The following RIC1 variants were observed in gnomAD, a reference collection of about 807,000 sequenced individuals.
The protein encoded by RIC1 is RIC1 partner of RAB6A GEF complex.
Under a neutral mutation model 169.0 loss-of-function variants are expected in RIC1, and 88 were observed. The ratio of observed to expected loss-of-function variants is 0.52; its 90% CI spans 0.44 to 0.62. RIC1 has a LOEUF of 0.62. Among genes scored for constraint, RIC1 ranks in the 20% least tolerant of loss-of-function variants. The probability of loss-of-function intolerance (pLI) is 0.00; values close to 1 mark genes in which losing one functional copy is unlikely to be tolerated. For synonymous variants in RIC1, 790 were observed against 601.5 expected (o/e 1.31, Z -4.59); for missense variants, 1,877 against 1,725.5 (o/e 1.09, Z -1.56).
chr9:5,698,412 T>C (rs1360201201), intron 3 of RIC1, among the ~76,000 whole-genome samples: 1 of 152,240 alleles, frequency 6.6e-6, no homozygotes, highest in East Asian at 1.9e-4. Flanking sequence ...ATTTTATTTT[T>C]TTCATGGCCC....
intron 1 of RIC1, among the ~76,000 whole-genome samples, chr9:5,651,072 G>C (rs139108881): frequency 1.3e-5 from 2 of 152,168 alleles, no homozygotes; most frequent in African/African-American, 4.8e-5. Context: ...CTCTGGAGCA[G>C]TGTCATCACA....
intron 2 of RIC1, among the ~76,000 whole-genome samples, chr9:5,664,812 A>G (rs1390442443): frequency 6.6e-6 from 1 of 152,062 alleles, no homozygotes; most frequent in Non-Finnish European, 1.5e-5. Context: ...ATTCATTTTC[A>G]TTCTTTTTTC....
intron 1 of RIC1, among the ~76,000 whole-genome samples, chr9:5,648,719 G>A (rs1347168311): frequency 6.6e-6 from 1 of 152,170 alleles, no homozygotes. Flanking sequence ...ACTGGGTTAA[G>A]ATGATATCTT....
chr9:5,728,699 C>A (rs561532579), intron 6 of RIC1, among the ~76,000 whole-genome samples: 7 of 152,154 alleles, frequency 4.6e-5, no homozygotes, highest in Non-Finnish European at 1.0e-4. Context: ...AAAGAAATTT[C>A]TCTGGGAGCC....
At chr9:5,762,485 G>A (rs111462333) in intron 17 of RIC1, 56 bp from the exon 18 acceptor site, 1 of 1,600,466 alleles carries the variant, frequency 6.2e-7, no homozygotes, top group Non-Finnish European at 8.5e-7. Context: ...GGGGGGAGAT[G>A]CGGAAAGCAT....
chr9:5,664,476 G>T (rs555956463), intron 2 of RIC1, among the ~76,000 whole-genome samples: 27 of 152,068 alleles, frequency 1.8e-4, no homozygotes, highest in Non-Finnish European at 3.1e-4. Context: ...TCACTGAGAG[G>T]TCTATTGTTA....
In RIC1 at chr9:5,720,333, A is replaced by G. The variant is rs1410704315; in HGVS notation, c.583+9A>G. 3 of 1,608,260 alleles carry G rather than the reference A, an allele frequency of 1.9e-6. No individual in the cohort carries two copies. The highest frequency in any genetic ancestry group is 1.7e-6 in the Non-Finnish European group (2 of 1,177,340). ...CCTGCAGTCATCTAGAGGTAGCTAT[A>G]CTTTCTACATGAGGTTGAACCAGTT... On this transcript the variant is annotated intron_variant, in intron 5 of 25. Coordinates refer to ENST00000414202, the MANE Select transcript of RIC1 (RefSeq NM_020829.4).
intron 6 of RIC1, among the ~76,000 whole-genome samples, chr9:5,726,208 A>G (rs1395549163): frequency 6.6e-6 from 1 of 152,098 alleles, no homozygotes; most frequent in African/African-American, 2.4e-5. Context: ...GTAGGTCTCT[A>G]AGGACTTGCT....
chr9:5,763,328 G>A lies in RIC1; in HGVS notation c.2301G>A (p.Arg767=). 1 of 1,614,164 alleles carries A rather than the reference G, an allele frequency of 6.2e-7. No individual in the cohort carries two copies. Among genetic ancestry groups the A allele is most frequent in the Non-Finnish European group, 8.5e-7 (1 of 1,180,028 alleles). ...HRKPHSFLSQ[R]IMLPFHINIY... ...AGCCCCATTCCTTCTTGTCCCAGCG[G>A]ATCATGCTGCCTTTCCACATCAACA... The change falls in exon 19 of 26, where the codon CGG becomes CGA. Residue 767 remains arginine, a synonymous_variant. Coordinates refer to ENST00000414202, the MANE Select transcript of RIC1 (RefSeq NM_020829.4). This position sits in a 1 kb window ranked among gnomAD's most constrained non-coding sequence, Gnocchi z 5.2.
intron 7 of RIC1, among the ~76,000 whole-genome samples, chr9:5,735,413 C>T (rs1563936996): frequency 6.6e-6 from 1 of 152,152 alleles, no homozygotes; most frequent in African/African-American, 2.4e-5. Context: ...TGTTAGAATC[C>T]AGAAGAAGTA....
chr9:5,674,142 G>C (rs1820293122), intron 2 of RIC1, among the ~76,000 whole-genome samples: 1 of 151,970 alleles, frequency 6.6e-6, no homozygotes, highest in Non-Finnish European at 1.5e-5. Flanking sequence ...AAGACATAAG[G>C]ACTACATAAA....
chr9:5,734,019 C>CAT (rs908941032), intron 7 of RIC1, among the ~76,000 whole-genome samples: 2 of 143,862 alleles, frequency 1.4e-5, no homozygotes, highest in Non-Finnish European at 3.0e-5. Flanking sequence ...TAAAAATATA[C>CAT]ATATATATAA....
chr9:5,675,395 G>C (rs922245835), intron 2 of RIC1, among the ~76,000 whole-genome samples: 1 of 152,080 alleles, frequency 6.6e-6, no homozygotes, highest in Admixed American at 6.5e-5. Context: ...GCAAAGAATT[G>C]AACTTACTGA....
intron 4 of RIC1, chr9:5,719,082 T>C (rs1382698544): frequency 1.3e-5 from 2 of 152,220 alleles, no homozygotes; most frequent in East Asian, 3.8e-4. Context: ...ATAACATTTT[T>C]TGTTTTTCCT....
rs7872024 is a variant in RIC1, at chr9:5,717,167, C to G, written c.441-3015C>G. Among the ~76,000 whole-genome samples, 1,217 of 152,192 alleles carry G rather than the reference C, an allele frequency of 8.0e-3. 16 individuals are homozygous for G. The highest frequency in any genetic ancestry group is 0.027 in the African/African-American group (1,115 of 41,504). The stretch of plus-strand genomic sequence containing the variant: ...TCTAGGTTACATTTTCCTGTTTATT[C>G]ACACATCTGGCCAGTCATTTGTTTG... On this transcript the variant is annotated intron_variant, in intron 4 of 25. Coordinates refer to ENST00000414202, the MANE Select transcript of RIC1 (RefSeq NM_020829.4).
In RIC1 at chr9:5,660,313, TA is replaced by T. The variant is rs567624169; in HGVS notation, c.252+3624del. ...CTATTGTGAATAGTGCTGCAGTGAA[TA>T]TATGCATGCATGAATGTTTGTAATA... On this transcript the variant is annotated intron_variant, in intron 2 of 25. Transcript: ENST00000414202. Among the ~76,000 whole-genome samples, 584 of 152,290 alleles carry T rather than the reference TA, an allele frequency of 3.8e-3. 1 individual carries two copies. The highest frequency in any genetic ancestry group is 0.013 in the African/African-American group (558 of 41,568).
rs1474442056 is a variant in RIC1, at chr9:5,656,685, G to A, written c.247G>A (p.Val83Ile). Residue 83 changes from valine (V) to isoleucine (I), a missense_variant, in exon 2 of 26, where the codon GTA becomes ATA. Transcript: ENST00000414202. Reference protein sequence around the residue: ...EWRPDSTMIAVSTANGYILFF... With the variant: ...EWRPDSTMIAISTANGYILFF... ...GAGGCCAGATAGTACCATGATAGCT[G>A]TATCAGTAAGTAGATTTTACCGCTA... is the stretch of plus-strand genomic sequence containing the variant. 4 of 1,552,852 alleles carry A rather than the reference G, an allele frequency of 2.6e-6. No homozygotes were observed. The highest frequency in any genetic ancestry group is 3.5e-6 in the Non-Finnish European group (4 of 1,132,362).
At chr9:5,638,418 T>C (rs934901659) in intron 1 of RIC1, among the ~76,000 whole-genome samples, 1 of 152,192 alleles carries the variant, frequency 6.6e-6, no homozygotes, top group African/African-American at 2.4e-5. Context: ...TCAGTAGTAT[T>C]GGTGTTCTTC....
chr9:5,660,172 A>G (rs1323400430), intron 2 of RIC1, among the ~76,000 whole-genome samples: 2 of 152,216 alleles, frequency 1.3e-5, no homozygotes, highest in African/African-American at 4.8e-5. Flanking sequence ...ATGTCCCTGC[A>G]AAGGATATGA....
Sources: gnomAD v4.1 joint callset for allele counts (sites outside exome capture counted in the v4.1 genomes callset) on GRCh38, gnomAD v4.1.1 for gene constraint, Gnocchi (gnomAD v3.1) non-coding constraint, MANE v1.5 for transcripts, NCBI Gene and HGNC (gene_info 2026-07-23, HGNC 2026-07-21) for gene names.